The following NOL4L variants were observed in gnomAD, a reference collection of about 807,000 sequenced individuals.
NOL4L encodes the protein nucleolar protein 4-like.
A neutral mutation model predicts 64.5 loss-of-function variants in NOL4L; 7 were observed. The observed-to-expected ratio is 0.11, with a 90% CI of 0.06 to 0.20. NOL4L has a LOEUF of 0.20. Ranked by LOEUF, NOL4L falls within the 10% of genes least tolerant of loss-of-function variation. The pLI is 1.00. For synonymous variants in NOL4L, 413 were observed against 401.0 expected, an observed-to-expected ratio of 1.03 and a Z score of -0.36; for missense variants, 680 against 967.1, an observed-to-expected ratio of 0.70 and a Z score of 3.94.
intron 4 of NOL4L, among the ~76,000 whole-genome samples, chr20:32,500,352 ATTT>A (rs778704594): frequency 2.3e-5 from 3 of 132,380 alleles, no homozygotes; most frequent in Non-Finnish European, 3.2e-5. Flanking sequence ...GCCCAGCCAG[ATTT>A]TTTTTTTTTT....
chr20:32,468,491 C>T (rs1021815279), intron 5 of NOL4L, among the ~76,000 whole-genome samples: 2 of 152,134 alleles, frequency 1.3e-5, no homozygotes, highest in African/African-American at 4.8e-5. Flanking sequence ...ACTCAGTGGC[C>T]GTTGGTTGAG....
intron 5 of NOL4L, among the ~76,000 whole-genome samples, chr20:32,461,288 C>T (rs2014022740): frequency 6.6e-6 from 1 of 152,178 alleles, no homozygotes. Context: ...GCTGTTCCCT[C>T]TTCCTGCTCC....
chr20:32,510,187 G>A (rs1216463098), intron 4 of NOL4L: 3 of 360,106 alleles, frequency 8.3e-6, no homozygotes, highest in East Asian at 7.3e-5. Flanking sequence ...GAACAGGCAC[G>A]CTCAGATGAG....
intron 1 of NOL4L, 141 bp from the exon 2 acceptor site, chr20:32,528,054 A>C: frequency 7.4e-6 from 2 of 268,526 alleles, no homozygotes; most frequent in Non-Finnish European, 7.0e-6. Context: ...GAGCCTACCG[A>C]GGGGGCTCCC....
In NOL4L at chr20:32,461,622, C is replaced by T. The variant is rs187075606; in HGVS notation, c.842-5227G>A. Among the ~76,000 whole-genome samples, 237 of 151,420 alleles carry T rather than the reference C, an allele frequency of 1.6e-3. 1 individual carries two copies. Among genetic ancestry groups the T allele is most frequent in the African/African-American group, 5.5e-3 (228 of 41,344 alleles). On this transcript the variant is annotated intron_variant, in intron 5 of 10. Transcript: ENST00000621426. ...TGTTTTTAGTAGACATGGGGTTTCA[C>T]CGTGTTAGCCAGGATGGTCTCGATC...
intron 2 of NOL4L, 131 bp downstream of exon 2, chr20:32,527,627 C>G: frequency 9.0e-7 from 1 of 1,116,536 alleles, no homozygotes; most frequent in Non-Finnish European, 1.2e-6. Flanking sequence ...CTGTGCCCCC[C>G]TAGATCCCCA....
At chr20:32,552,918 CGCTTGAATCTGGGGGCGGAG>C (rs1306125783) in intron 1 of NOL4L, among the ~76,000 whole-genome samples, 5 of 152,166 alleles carry the variant, frequency 3.3e-5, no homozygotes, top group African/African-American at 1.2e-4. Flanking sequence ...GCAGGGGAAT[CGCTTGAATCTGGGGGCGGAG>C]GCTGCAGGAA....
chr20:32,584,676 T>A lies in NOL4L; in HGVS notation c.215A>T (p.Glu72Val). 1 of 1,547,516 alleles carries A rather than the reference T, an allele frequency of 6.5e-7. No individual in the cohort carries two copies. The highest frequency in any genetic ancestry group is 8.7e-7 in the Non-Finnish European group (1 of 1,145,544). ...TGAGSGPAAG[E>V]KGKFQFWVRS... ...CACCCAGAACTGGAACTTGCCTTTC[T>A]CGCCGGCTGCGGGGCCGCTGCCCGC... The change falls in exon 1 of 11, where the codon GAG becomes GTG. Residue 72 changes from glutamate to valine, a missense_variant. This residue lies in a region of NOL4L where 181 missense variants were observed against 335.2 expected (regional missense o/e 0.54). Coordinates refer to ENST00000621426, the MANE Select transcript of NOL4L (RefSeq NM_001256798.2).
chr20:32,453,436 C>T lies in NOL4L; in HGVS notation c.1365G>A (p.Gln455=), dbSNP rs1251261752. The change falls in exon 8 of 11, where the codon CAG becomes CAA. Residue 455 remains glutamine, a synonymous_variant. Transcript: ENST00000621426. This position sits in a 1 kb window ranked among gnomAD's most constrained non-coding sequence, Gnocchi z 5.6. ...TGATGGCCTGGATCTTCTCCTTGGGCTGCTTGGAGATGGGCACCATGCGGT... is the reference window on the plus strand; with the variant it reads ...TGATGGCCTGGATCTTCTCCTTGGGTTGCTTGGAGATGGGCACCATGCGGT... ...NLDRMVPISK[Q]PKEKIQAIIE... 1 of 1,614,126 alleles carries T rather than the reference C, an allele frequency of 6.2e-7. No individual in the cohort carries two copies. The highest frequency in any genetic ancestry group is 1.7e-5 in the Admixed American group (1 of 60,014).
intron 3 of NOL4L, among the ~76,000 whole-genome samples, chr20:32,512,047 C>G (rs1042785363): frequency 7.9e-5 from 12 of 151,994 alleles, no homozygotes; most frequent in African/African-American, 2.9e-4. Context: ...CAAACCCACC[C>G]CCACAACACA....
rs1377064851 is a variant in NOL4L at position 32,463,196 on chromosome 20, G to GGA, written c.842-6803_842-6802dup. Reference sequence around the variant, plus strand: ...CTCACGGGGTGCAGGCCTCCAGCTGGGAGGCTCAGTGGGAAGCTGGGAGTT... The same window carrying GGA: ...CTCACGGGGTGCAGGCCTCCAGCTGGGAGAGGCTCAGTGGGAAGCTGGGAGTT... On this transcript the variant is annotated intron_variant, in intron 5 of 10. Transcript: ENST00000621426. This position sits in a 1 kb window ranked among gnomAD's most constrained non-coding sequence, Gnocchi z 5.8. Among the ~76,000 whole-genome samples the GGA allele has an allele frequency of 6.6e-6, 1 of 152,198 alleles. No individual in the cohort carries two copies. Among genetic ancestry groups the GGA allele is most frequent in the Non-Finnish European group, 1.5e-5 (1 of 68,030 alleles).
intron 4 of NOL4L, among the ~76,000 whole-genome samples, chr20:32,502,804 G>A (rs1424465943): frequency 6.6e-6 from 1 of 151,896 alleles, no homozygotes; most frequent in East Asian, 1.9e-4. Context: ...CCAGCTACTC[G>A]GGAGGCTGAG....
At chr20:32,520,945 T>C in intron 2 of NOL4L, 23 bp from the exon 3 acceptor site, 1 of 1,506,668 alleles carries the variant, frequency 6.6e-7, no homozygotes, top group African/African-American at 1.4e-5. Context: ...AGAGCTTCGC[T>C]TGTTATATGG....
chr20:32,536,508 C>T (rs1490612985), intron 1 of NOL4L: 1 of 131,432 alleles, frequency 7.6e-6, no homozygotes, highest in East Asian at 2.7e-4. Context: ...GCGAGGCGGC[C>T]GCGCTCTCTT....
intron 1 of NOL4L, among the ~76,000 whole-genome samples, chr20:32,539,580 T>C (rs1394450151): frequency 6.6e-6 from 1 of 152,242 alleles, no homozygotes; most frequent in Non-Finnish European, 1.5e-5. Flanking sequence ...ATGTGACTCC[T>C]AGCTCCATCC....
intron 4 of NOL4L, among the ~76,000 whole-genome samples, chr20:32,497,523 A>C (rs76432928): frequency 0.035 from 5,287 of 152,296 alleles, 144 homozygotes; most frequent in Non-Finnish European, 0.048. Context: ...CCCTGCCCAA[A>C]ATATCCCACT....
chr20:32,584,451 C>T, intron 1 of NOL4L, 119 bp downstream of exon 1: 1 of 846,774 alleles, frequency 1.2e-6, no homozygotes, highest in Non-Finnish European at 1.6e-6. Flanking sequence ...GCGGGCCCGA[C>T]ACACGGACAA....
chr20:32,539,660 G>A (rs909192338), intron 1 of NOL4L, among the ~76,000 whole-genome samples: 4 of 152,048 alleles, frequency 2.6e-5, no homozygotes, highest in Non-Finnish European at 4.4e-5. Flanking sequence ...AATTTCTTGC[G>A]GTCTTTTTCC....
At chr20:32,528,166 G>A (rs1461972789) in intron 1 of NOL4L, among the ~76,000 whole-genome samples, 1 of 152,226 alleles carries the variant, frequency 6.6e-6, no homozygotes, top group Non-Finnish European at 1.5e-5. Flanking sequence ...AAAACCAAGA[G>A]GCTCCATGTT....
Sources: gnomAD v4.1 joint callset for allele counts (sites outside exome capture counted in the v4.1 genomes callset) on GRCh38, gnomAD v4.1.1 for gene constraint, gnomAD v4.1.1 regional missense constraint, Gnocchi (gnomAD v3.1) non-coding constraint, MANE v1.5 for transcripts, NCBI Gene and HGNC (gene_info 2026-07-23, HGNC 2026-07-21) for gene names.